The following TLL1 variants were observed in gnomAD, a reference collection of about 807,000 sequenced individuals.
The protein encoded by TLL1 is tolloid like 1.
A neutral mutation model predicts 128.2 loss-of-function variants in TLL1; 49 were observed. That is an observed-to-expected ratio of 0.38 (90% CI 0.30 to 0.48). The LOEUF (loss-of-function observed/expected upper bound fraction) is 0.48, where lower values mean the gene tolerates loss of function less well. Ranked by LOEUF, TLL1 falls within the 20% of genes least tolerant of loss-of-function variation. The pLI is 0.96. For synonymous variants in TLL1, 454 were observed against 418.8 expected, an observed-to-expected ratio of 1.08 and a Z score of -1.03; for missense variants, 1,123 against 1,242.0, an observed-to-expected ratio of 0.90 and a Z score of 1.44.
chr4:166,064,719 A>T (rs751814613), intron 15 of TLL1, among the ~76,000 whole-genome samples: 2 of 152,124 alleles, frequency 1.3e-5, no homozygotes, highest in African/African-American at 4.8e-5. Flanking sequence ...AGCCTCGGAA[A>T]CAGTCTTTTA....
intron 15 of TLL1, among the ~76,000 whole-genome samples, chr4:166,064,246 C>T (rs1305563424): frequency 6.6e-6 from 1 of 151,564 alleles, no homozygotes; most frequent in Non-Finnish European, 1.5e-5. Context: ...TGGGAATTTC[C>T]CTACCAATTC....
Position 165,887,657 on chromosome 4 carries a change from G to T in TLL1, c.169+13584G>T, listed in dbSNP as rs566814709. ...TTCAGGCGTATATTGGTTAAATTTGGACTTTGTATGCCATATTAACTTTGA... is the reference window on the plus strand; with the variant it reads ...TTCAGGCGTATATTGGTTAAATTTGTACTTTGTATGCCATATTAACTTTGA... On this transcript the variant is annotated intron_variant, in intron 1 of 20. Transcript: ENST00000061240. Among the ~76,000 whole-genome samples, 3 of 152,168 alleles carry T rather than the reference G, an allele frequency of 2.0e-5. No homozygotes were observed. In the South Asian group the frequency reaches 6.2e-4, roughly 32 times the overall value.
intron 13 of TLL1, 130 bp downstream of exon 13, chr4:166,055,401 G>A: frequency 2.5e-6 from 2 of 804,142 alleles, no homozygotes; most frequent in South Asian, 3.2e-5. Flanking sequence ...ATTTTGGAGA[G>A]TTTCGATAGA....
rs201540949 is a variant in TLL1, at chr4:166,058,188, AC to A, written c.1846+880del. On this transcript the variant is annotated intron_variant, in intron 14 of 20. Transcript: ENST00000061240. ...CCAGGCCACCATGTATATGTATGTT[AC>A]TATATCTAGATCTATTTCTGTCTCT... is the stretch of plus-strand genomic sequence containing the variant. 7.9e-3 allele frequency among the ~76,000 whole-genome samples: 1,196 copies of A among 152,192 alleles called. 15 individuals are homozygous for A. Among genetic ancestry groups the A allele is most frequent in the African/African-American group, 0.027 (1,137 of 41,524 alleles).
At chr4:166,025,055 T>TTTC (rs1412135122) in intron 8 of TLL1, among the ~76,000 whole-genome samples, 1 of 152,156 alleles carries the variant, frequency 6.6e-6, no homozygotes, top group Admixed American at 6.5e-5. Context: ...ATGAAAAAGG[T>TTTC]TTCCATGAGG....
intron 1 of TLL1, among the ~76,000 whole-genome samples, chr4:165,931,223 A>G (rs910292028): frequency 2.0e-5 from 3 of 152,220 alleles, no homozygotes; most frequent in Non-Finnish European, 4.4e-5. Flanking sequence ...ATATTCCATA[A>G]TTAAAGCATT....
Position 166,100,860 on chromosome 4 carries a change from C to T in TLL1, c.3026C>T (p.Thr1009Ile). The T allele has an allele frequency of 1.2e-6, 2 of 1,612,628 alleles. No homozygotes were observed. The highest frequency in any genetic ancestry group is 2.2e-5 in the South Asian group (2 of 91,068). Residue 1009 changes from threonine to isoleucine, a missense_variant, in exon 21 of 21, where the codon ACA (threonine) becomes ATA (isoleucine). Thr to Ile is a moderately conservative substitution (Grantham distance 89). Coordinates refer to ENST00000061240, the MANE Select transcript of TLL1 (RefSeq NM_012464.5). ...RYKSIRYPDT[T>I]HTKK Reference sequence around the variant, plus strand: ...AAAAGCATAAGATATCCAGATACCACACATACCAAAAAATAACACCAAAAC... The same window carrying T: ...AAAAGCATAAGATATCCAGATACCATACATACCAAAAAATAACACCAAAAC...
At chr4:166,025,955 G>C (rs931050950) in intron 9 of TLL1, among the ~76,000 whole-genome samples, 4 of 151,552 alleles carry the variant, frequency 2.6e-5, no homozygotes, top group African/African-American at 7.3e-5. Context: ...CATATGAAGA[G>C]GTTAGAAAAA....
At chr4:165,917,505 A>C (rs986587770) in intron 1 of TLL1, among the ~76,000 whole-genome samples, 14 of 152,164 alleles carry the variant, frequency 9.2e-5, no homozygotes, top group Non-Finnish European at 1.5e-4. Context: ...TTTTATTAGT[A>C]GTAAACTTAG....
chr4:166,021,489 G>T lies in TLL1; in HGVS notation c.1043-3827G>T, dbSNP rs201902183. 9.1e-4 allele frequency among the ~76,000 whole-genome samples: 134 copies of T among 146,590 alleles called. 3 individuals are homozygous for T. The South Asian group carries it at 0.02, about 21-fold the overall frequency. On this transcript the variant is annotated intron_variant, in intron 8 of 20. Coordinates refer to ENST00000061240, the MANE Select transcript of TLL1 (RefSeq NM_012464.5). ...CACTCTGTCACCAGGCTGGAGTGCA[G>T]TGGTGTGATCTTGGCTCACTGCAAC... is the stretch of plus-strand genomic sequence containing the variant.
chr4:166,036,003 A>G (rs986542678), intron 9 of TLL1, among the ~76,000 whole-genome samples: 1 of 152,276 alleles, frequency 6.6e-6, no homozygotes, highest in African/African-American at 2.4e-5. Context: ...TAGCATAGCA[A>G]TCTAGTTTAT....
intron 19 of TLL1, among the ~76,000 whole-genome samples, chr4:166,091,683 A>G (rs2322476): frequency 0.91 from 138,718 of 152,122 alleles, 63,833 homozygotes; most frequent in East Asian, 1. Context: ...TATTTAACAG[A>G]TAGAAATCTA....
intron 1 of TLL1, among the ~76,000 whole-genome samples, chr4:165,888,035 T>C (rs1434189866): frequency 6.6e-6 from 1 of 152,218 alleles, no homozygotes; most frequent in African/African-American, 2.4e-5. Flanking sequence ...TTTTAATAAT[T>C]TATATGTATA....
intron 18 of TLL1, among the ~76,000 whole-genome samples, chr4:166,079,467 C>T (rs1357623960): frequency 6.6e-6 from 1 of 151,544 alleles, no homozygotes; most frequent in East Asian, 1.9e-4. Context: ...CATTTTTTTT[C>T]TGGTTTACAT....
chr4:165,886,628 GTAT>G (rs1163819139), intron 1 of TLL1, among the ~76,000 whole-genome samples: 1 of 152,088 alleles, frequency 6.6e-6, no homozygotes, highest in Admixed American at 6.6e-5. Flanking sequence ...AAATGGCATA[GTAT>G]TTGAATATAA....
chr4:166,087,542 G>T (rs150228149), intron 18 of TLL1, among the ~76,000 whole-genome samples: 1 of 152,104 alleles, frequency 6.6e-6, no homozygotes, highest in South Asian at 2.1e-4. Context: ...GACCTCTAAA[G>T]CTTATCTTAC....
At chr4:165,977,392 C>T (rs998735891) in intron 1 of TLL1, among the ~76,000 whole-genome samples, 2 of 152,210 alleles carry the variant, frequency 1.3e-5, no homozygotes, top group Non-Finnish European at 2.9e-5. Context: ...CTTGCTTTCC[C>T]TTCTACCATG....
At chr4:165,926,725 C>T (rs138531136) in intron 1 of TLL1, among the ~76,000 whole-genome samples, 219 of 152,180 alleles carry the variant, frequency 1.4e-3, no homozygotes, top group African/African-American at 5.0e-3. Context: ...CCAGTGGTGC[C>T]GTACCAAAGT....
chr4:165,919,685 C>T, intron 1 of TLL1: 1 of 385,828 alleles, frequency 2.6e-6, no homozygotes, highest in Non-Finnish European at 5.2e-6. Context: ...ACAGCTTATT[C>T]TAGGCTTTCA....
Sources: allele counts gnomAD v4.1 joint callset (sites outside exome capture counted in the v4.1 genomes callset), GRCh38; gene constraint gnomAD v4.1.1; transcripts MANE v1.5; gene names NCBI Gene and HGNC (gene_info 2026-07-23, HGNC 2026-07-21).